ENG: variants seen among roughly 807,000 people sequenced by gnomAD.
The protein encoded by ENG is endoglin.
ENG carries 17 observed loss-of-function variants against 71.0 expected under a neutral mutation model. The ratio of observed to expected loss-of-function variants is 0.24; its 90% CI spans 0.16 to 0.36. The LOEUF is 0.36. Among genes scored for constraint, ENG ranks in the 10% least tolerant of loss-of-function variants. The pLI, the probability that ENG is intolerant of heterozygous loss-of-function variation, is 1.00. For missense variants in ENG, 749 were observed against 868.3 expected, an observed-to-expected ratio of 0.86 and a Z score of 1.73; for synonymous variants, 360 against 366.9, an observed-to-expected ratio of 0.98 and a Z score of 0.21.
intron 2 of ENG, among the ~76,000 whole-genome samples, chr9:127,837,298 G>A (rs1487592485): frequency 3.3e-5 from 5 of 152,170 alleles, no homozygotes; most frequent in South Asian, 2.1e-4. Context: ...GCTCAGTGAT[G>A]TTCTAGAATT....
chr9:127,854,396 G>T lies in ENG; in HGVS notation c.-41C>A. ...GCCTGTGCGCTGGGCCTTATCCTGT[G>T]TCCAGTGGCAGGGCTGCGGGCGGGC... On this transcript the variant is annotated 5_prime_UTR_variant, in exon 1 of 15. Coordinates refer to ENST00000373203, the MANE Select transcript of ENG (RefSeq NM_001114753.3). 1 of 1,546,492 alleles carries T rather than the reference G, an allele frequency of 6.5e-7. No homozygotes were observed. Among genetic ancestry groups the T allele is most frequent in the African/African-American group, 1.4e-5 (1 of 72,820 alleles).
chr9:127,815,915 G>A (rs1830299906), intron 14 of ENG, 28 bp downstream of exon 14: 2 of 1,584,114 alleles, frequency 1.3e-6, no homozygotes, highest in Non-Finnish European at 1.7e-6. Context: ...GGCCCGGCAT[G>A]CTCACTGTGG....
intron 10 of ENG, among the ~76,000 whole-genome samples, 160 bp from the exon 11 acceptor site, chr9:127,818,992 C>T (rs1416673630): frequency 6.6e-6 from 1 of 150,756 alleles, no homozygotes; most frequent in Admixed American, 6.6e-5. Flanking sequence ...GGCTGGAGTG[C>T]AGTGGTGCGA....
chr9:127,824,234 A>G, intron 8 of ENG, 70 bp downstream of exon 8: 1 of 1,612,292 alleles, frequency 6.2e-7, no homozygotes, highest in South Asian at 1.1e-5. Flanking sequence ...TAGGACCCCA[A>G]GAGTCTTGGG....
intron 7 of ENG, 33 bp from the exon 8 acceptor site, chr9:127,824,479 G>GTCACTGTGTGA (rs561372233): frequency 1.2e-6 from 2 of 1,603,700 alleles, no homozygotes; most frequent in African/African-American, 1.4e-5. Flanking sequence ...CAGGCGGCTG[G>GTCACTGTGTGA]TCACTGTGTG....
intron 2 of ENG, among the ~76,000 whole-genome samples, chr9:127,840,949 T>C (rs1246793323): frequency 1.3e-5 from 2 of 152,226 alleles, no homozygotes; most frequent in East Asian, 1.9e-4. Flanking sequence ...AGAACTGTTA[T>C]TGCCCACGGG....
chr9:127,839,313 C>T (rs1028133203), intron 2 of ENG, among the ~76,000 whole-genome samples: 12 of 152,080 alleles, frequency 7.9e-5, no homozygotes, highest in Admixed American at 4.6e-4. Flanking sequence ...GTGAGGGCTG[C>T]GCAATGGGGA....
At chr9:127,825,629 G>GGT (rs1830592627) in intron 5 of ENG, 66 bp downstream of exon 5, 1 of 1,265,384 alleles carries the variant, frequency 7.9e-7, no homozygotes, top group African/African-American at 3.4e-5. Flanking sequence ...GAGAGGGGGC[G>GGT]GGGGGGGTCA....
At chr9:127,819,404 A>T in intron 10 of ENG, 1 of 608,854 alleles carries the variant, frequency 1.6e-6, no homozygotes, top group East Asian at 3.0e-5. Context: ...GCCCAAGGCC[A>T]CACAGCCAGT....
intron 2 of ENG, among the ~76,000 whole-genome samples, chr9:127,835,553 G>A (rs1014673525): frequency 7.2e-5 from 11 of 152,132 alleles, no homozygotes; most frequent in African/African-American, 1.4e-4. Flanking sequence ...ACATCCATCC[G>A]CCATCCCATG....
At chr9:127,823,673 CTTTTTTTTTTT>C (rs1017053002) in intron 8 of ENG, among the ~76,000 whole-genome samples, 2 of 99,036 alleles carry the variant, frequency 2.0e-5, no homozygotes, top group Admixed American at 1.1e-4. Flanking sequence ...CAGGCACCGG[CTTTTTTTTTTT>C]TTTTTTTTTT....
chr9:127,824,828 G>A lies in ENG; in HGVS notation c.963C>T (p.Ser321=). The part of the protein sequence containing the change: ...VASFVELPLA[S]IVSLHASSCG... Reference sequence around the variant, plus strand: ...AGCTGGAGGCATGAAGTGAGACAATGCTGGCCAGCGGTAGCTCCACGAAGG... The same window carrying A: ...AGCTGGAGGCATGAAGTGAGACAATACTGGCCAGCGGTAGCTCCACGAAGG... The change falls in exon 7 of 15, where the codon AGC becomes AGT. Residue 321 remains serine (S), a synonymous_variant. Transcript: ENST00000373203. The A allele has an allele frequency of 6.3e-7, 1 of 1,587,728 alleles. No individual in the cohort carries two copies. The highest frequency in any genetic ancestry group is 8.6e-7 in the Non-Finnish European group (1 of 1,167,122).
intron 1 of ENG, among the ~76,000 whole-genome samples, chr9:127,844,546 C>T (rs1327335115): frequency 6.6e-6 from 1 of 152,184 alleles, no homozygotes; most frequent in Non-Finnish European, 1.5e-5. Flanking sequence ...CCTCCCACCT[C>T]GGCCTCCTGA....
rs1830957719 is a variant in ENG at position 127,838,607 on chromosome 9, G to A, written c.219+4487C>T. 6.6e-6 allele frequency among the ~76,000 whole-genome samples: 1 copy of A among 152,208 alleles called. No homozygotes were observed. The highest frequency in any genetic ancestry group is 2.1e-4 in the South Asian group (1 of 4,834). ...GCTGCCCCAAGTTTGCCCAGGAGTG[G>A]GTGAATCAGTGCTGACCCAGCTCTG... On this transcript the variant is annotated intron_variant, in intron 2 of 14. Transcript: ENST00000373203. This position sits in a 1 kb window ranked among gnomAD's most constrained non-coding sequence, Gnocchi z 4.3.
chr9:127,849,619 A>G (rs1564464994), intron 1 of ENG, among the ~76,000 whole-genome samples: 1 of 152,330 alleles, frequency 6.6e-6, no homozygotes, highest in East Asian at 1.9e-4. Flanking sequence ...AGCAGGGCAT[A>G]GATGGGGCTG....
chr9:127,825,932 C>T lies in ENG; in HGVS notation c.524-72G>A, dbSNP rs935558467. On this transcript the variant is annotated intron_variant, in intron 4 of 14. Transcript: ENST00000373203. ...CCTAACAGAGCCCCGCCCTCACCCA[C>T]AGCCAAAGATAGTGGTGGGGCAGGC... 6 of 1,539,656 alleles carry T rather than the reference C, an allele frequency of 3.9e-6. No individual in the cohort carries two copies. In the African/African-American group the frequency reaches 4.1e-5, roughly 11 times the overall value.
rs948883560 is a variant in ENG at position 127,836,796 on chromosome 9, C to CT, written c.219+6297dup. Among the ~76,000 whole-genome samples the CT allele has an allele frequency of 8.6e-5, 13 of 151,372 alleles. No homozygotes were observed. The highest frequency in any genetic ancestry group is 1.7e-4 in the African/African-American group (7 of 41,158). ...AGCTAAACATGTGGGAGTAGTTTGG[C>CT]TTTTTTTTTGAGACACAGTCTTGCT... On this transcript the variant is annotated intron_variant, in intron 2 of 14. Transcript: ENST00000373203. The surrounding 1 kb of genome is among the most constrained non-coding windows in gnomAD (Gnocchi z 4.0).
chr9:127,816,346 G>GA, intron 13 of ENG: 2 of 495,572 alleles, frequency 4.0e-6, no homozygotes, highest in Non-Finnish European at 7.4e-6. Flanking sequence ...GGGGTAACGT[G>GA]AGGAAACTGA....
chr9:127,824,441 T>C lies in ENG; in HGVS notation c.997A>G (p.Arg333Gly). The change falls in exon 8 of 15, where the codon AGG becomes GGG. Residue 333 changes from arginine to glycine, a missense_variant. Transcript: ENST00000373203. ...VSLHASSCGG[R>G]LQTSPAPIQT... Reference sequence around the variant, plus strand: ...ATCGGTGCGGGTGAGGTCTGCAGCCTACCACCTGTGGGGTAGCAGAGGCAG... The same window carrying C: ...ATCGGTGCGGGTGAGGTCTGCAGCCCACCACCTGTGGGGTAGCAGAGGCAG... The C allele has an allele frequency of 6.2e-7, 1 of 1,605,386 alleles. No individual in the cohort carries two copies. The highest frequency in any genetic ancestry group is 8.5e-7 in the Non-Finnish European group (1 of 1,175,250).
Sources: allele counts gnomAD v4.1 joint callset (sites outside exome capture counted in the v4.1 genomes callset), GRCh38; gene constraint gnomAD v4.1.1; non-coding constraint Gnocchi (gnomAD v3.1); transcripts MANE v1.5; gene names NCBI Gene and HGNC (gene_info 2026-07-23, HGNC 2026-07-21).